NR1H4: variants seen among roughly 807,000 people sequenced by gnomAD.
NR1H4 encodes bile acid receptor.
A neutral mutation model predicts 58.5 loss-of-function variants in NR1H4; 23 were observed. That is an observed-to-expected ratio of 0.39 (90% confidence interval 0.28 to 0.56). The LOEUF is 0.56. Among genes scored for constraint, NR1H4 ranks in the 20% least tolerant of loss-of-function variants. The probability of loss-of-function intolerance (pLI) is 0.58; values close to 1 mark genes in which losing one functional copy is unlikely to be tolerated. For missense variants in NR1H4, 487 were observed against 576.9 expected, an observed-to-expected ratio of 0.84 and a Z score of 1.60; for synonymous variants, 214 against 198.0, an observed-to-expected ratio of 1.08 and a Z score of -0.68.
chr12:100,528,401 G>A (rs2373355), intron 4 of NR1H4, among the ~76,000 whole-genome samples: 4,908 of 151,940 alleles, frequency 0.032, 332 homozygotes, highest in East Asian at 0.29. Flanking sequence ...GAAAAGCAGT[G>A]TGCAATATTC....
At chr12:100,482,605 A>C (rs1953405136) in intron 1 of NR1H4, among the ~76,000 whole-genome samples, 3 of 152,198 alleles carry the variant, frequency 2.0e-5, no homozygotes, top group African/African-American at 7.2e-5. Context: ...AACCAAATCC[A>C]CAAAAACAAA....
At chr12:100,512,106 G>T (rs1006131366) in intron 4 of NR1H4, among the ~76,000 whole-genome samples, 4 of 151,836 alleles carry the variant, frequency 2.6e-5, no homozygotes, top group African/African-American at 9.7e-5. Context: ...GGTGGAGCAC[G>T]CATGTTGTCC....
intron 4 of NR1H4, among the ~76,000 whole-genome samples, chr12:100,529,886 A>G (rs1954651079): frequency 6.6e-6 from 1 of 152,212 alleles, no homozygotes; most frequent in Non-Finnish European, 1.5e-5. Context: ...GAAAATTGTC[A>G]TAAGAAATAT....
At chr12:100,482,474 C>T (rs1953402529) in intron 1 of NR1H4, among the ~76,000 whole-genome samples, 1 of 152,102 alleles carries the variant, frequency 6.6e-6, no homozygotes, top group South Asian at 2.1e-4. Flanking sequence ...ACCATTTGTT[C>T]ATTTACTCAA....
At chr12:100,511,876 C>A (rs1422413121) in intron 4 of NR1H4, among the ~76,000 whole-genome samples, 1 of 151,526 alleles carries the variant, frequency 6.6e-6, no homozygotes, top group Non-Finnish European at 1.5e-5. Context: ...GAGCCAAGAT[C>A]GCACCATTGC....
chr12:100,507,000 AAAT>A (rs776944095), intron 3 of NR1H4, among the ~76,000 whole-genome samples: 8 of 152,170 alleles, frequency 5.3e-5, no homozygotes, highest in Admixed American at 1.3e-4. Context: ...TTGATTATGA[AAAT>A]AATTGTTTTG....
intron 1 of NR1H4, among the ~76,000 whole-genome samples, chr12:100,475,335 T>C (rs1205956334): frequency 6.6e-6 from 1 of 152,148 alleles, no homozygotes; most frequent in Non-Finnish European, 1.5e-5. Context: ...ACCGTGGACT[T>C]TTCTGTTTTC....
chr12:100,516,432 C>T (rs1308436369), intron 4 of NR1H4, among the ~76,000 whole-genome samples: 2 of 151,670 alleles, frequency 1.3e-5, no homozygotes, highest in African/African-American at 2.4e-5. Context: ...TGCAGTGGCG[C>T]GATCTCAGCT....
At chr12:100,483,997 A>G (rs989109256) in intron 1 of NR1H4, among the ~76,000 whole-genome samples, 4 of 151,910 alleles carry the variant, frequency 2.6e-5, no homozygotes, top group African/African-American at 9.7e-5. Context: ...AAAAAAAAAA[A>G]AAAAAAAAGA....
intron 4 of NR1H4, among the ~76,000 whole-genome samples, chr12:100,515,043 T>G (rs896442086): frequency 4.6e-5 from 7 of 152,088 alleles, no homozygotes; most frequent in Admixed American, 4.6e-4. Context: ...AATTCTCCAC[T>G]GCTTTTCTCT....
chr12:100,499,977 A>G (rs1479286770), intron 3 of NR1H4: 3 of 455,984 alleles, frequency 6.6e-6, no homozygotes, highest in Non-Finnish European at 8.8e-6. Flanking sequence ...GGCACATCAC[A>G]AGTACTCTAT....
chr12:100,516,619 G>A lies in NR1H4; in HGVS notation c.445+5476G>A, dbSNP rs1201491813. ...CTGACCTCGTGATCCGCCCGCCTCG[G>A]CCTCCCAAAGTTCTGGGATTACAGG... On this transcript the variant is annotated intron_variant, in intron 4 of 10. Coordinates refer to ENST00000392986, the MANE Select transcript of NR1H4 (RefSeq NM_001206979.2). Among the ~76,000 whole-genome samples, 5 of 152,088 alleles carry A rather than the reference G, an allele frequency of 3.3e-5. No individual in the cohort carries two copies. The East Asian group carries it at 9.7e-4, about 29-fold the overall frequency.
At chr12:100,539,681 G>A (rs115988202) in intron 8 of NR1H4, among the ~76,000 whole-genome samples, 2,804 of 152,208 alleles carry the variant, frequency 0.018, 69 homozygotes, top group African/African-American at 0.055. Context: ...TATGTGCCAG[G>A]AACTGGGGAT....
chr12:100,498,879 T>C (rs992050956), intron 3 of NR1H4, among the ~76,000 whole-genome samples: 2 of 152,156 alleles, frequency 1.3e-5, no homozygotes, highest in Non-Finnish European at 2.9e-5. Flanking sequence ...TCTCATTGCC[T>C]TATGCTTCAC....
chr12:100,479,117 T>C (rs918323335), intron 1 of NR1H4, among the ~76,000 whole-genome samples: 1 of 152,192 alleles, frequency 6.6e-6, no homozygotes, highest in East Asian at 1.9e-4. Flanking sequence ...CGTTTATATA[T>C]TGTTTGTACT....
intron 4 of NR1H4, among the ~76,000 whole-genome samples, chr12:100,520,851 C>T (rs980122354): frequency 6.6e-6 from 1 of 152,166 alleles, no homozygotes; most frequent in Non-Finnish European, 1.5e-5. Flanking sequence ...TACTTTCCTG[C>T]CTCTCTGGTA....
chr12:100,522,362 T>C (rs1954446459), intron 4 of NR1H4, among the ~76,000 whole-genome samples: 3 of 152,308 alleles, frequency 2.0e-5, no homozygotes. Context: ...CAGGTATCTG[T>C]AGATTGTCAT....
chr12:100,499,882 T>C (rs193164287), intron 3 of NR1H4: 243 of 456,060 alleles, frequency 5.3e-4, no homozygotes, highest in Non-Finnish European at 9.3e-4. Flanking sequence ...ATCTCTGCCA[T>C]CTACTACCCT....
intron 1 of NR1H4, among the ~76,000 whole-genome samples, chr12:100,475,564 A>G (rs1248206577): frequency 6.6e-6 from 1 of 152,162 alleles, no homozygotes; most frequent in Admixed American, 6.5e-5. Flanking sequence ...GCAATGGAAT[A>G]TCCATTGGTT....
Sources: allele counts gnomAD v4.1 joint callset (sites outside exome capture counted in the v4.1 genomes callset), GRCh38; gene constraint gnomAD v4.1.1; transcripts MANE v1.5; gene names NCBI Gene and HGNC (gene_info 2026-07-23, HGNC 2026-07-21).